The following WDFY4 variants were observed in gnomAD, a reference collection of about 807,000 sequenced individuals.
WDFY4 encodes WD repeat- and FYVE domain-containing protein 4.
In WDFY4, 169 loss-of-function variants were observed where a neutral mutation model predicts 351.9. That is an observed-to-expected ratio of 0.48 (90% CI 0.42 to 0.55). The LOEUF (loss-of-function observed/expected upper bound fraction) is 0.55, where lower values mean the gene tolerates loss of function less well. Ranked by LOEUF, WDFY4 falls within the 20% of genes least tolerant of loss-of-function variation. The pLI, the probability that WDFY4 is intolerant of heterozygous loss-of-function variation, is 0.00. For synonymous variants in WDFY4, 1,622 were observed against 1,574.6 expected (o/e 1.03, Z -0.71); for missense variants, 3,803 against 3,935.6 (o/e 0.97, Z 0.90).
chr10:48,805,254 C>T lies in WDFY4; in HGVS notation c.4485-6C>T, dbSNP rs1430979063. The T allele has an allele frequency of 1.9e-6, 3 of 1,541,758 alleles. No individual in the cohort carries two copies. Among genetic ancestry groups the T allele is most frequent in the Admixed American group, 3.9e-5 (2 of 51,004 alleles). On this transcript the variant is annotated splice_polypyrimidine_tract_variant and splice_region_variant and intron_variant, in intron 25 of 61. Transcript: ENST00000325239. ...GCTTTTACTGTCTCTCTCCTGTACT[C>T]ACCAGGGAAGGACCCAGGAATGCTG...
intron 52 of WDFY4, among the ~76,000 whole-genome samples, chr10:48,959,511 G>A (rs1050774562): frequency 3.9e-5 from 6 of 152,190 alleles, no homozygotes; most frequent in African/African-American, 1.2e-4. Context: ...TGGGAAGCAA[G>A]GAGGGCCTCC....
chr10:48,829,361 C>A (rs751145594), intron 37 of WDFY4, among the ~76,000 whole-genome samples: 1 of 152,102 alleles, frequency 6.6e-6, no homozygotes, highest in Non-Finnish European at 1.5e-5. Context: ...AGACTTTTTG[C>A]CTAATGGAGT....
At chr10:48,971,606 C>T (rs764261524) in intron 57 of WDFY4, among the ~76,000 whole-genome samples, 1 of 152,034 alleles carries the variant, frequency 6.6e-6, no homozygotes. Context: ...AACATGTTCT[C>T]TGGGGTTCTC....
intron 5 of WDFY4, among the ~76,000 whole-genome samples, chr10:48,725,642 A>G (rs896249230): frequency 6.6e-6 from 1 of 152,244 alleles, no homozygotes; most frequent in Non-Finnish European, 1.5e-5. Context: ...CTGATTTGGA[A>G]GGGATAACAA....
intron 13 of WDFY4, among the ~76,000 whole-genome samples, chr10:48,771,980 T>C (rs2065879338): frequency 1.3e-5 from 2 of 152,164 alleles, no homozygotes; most frequent in South Asian, 4.1e-4. Context: ...ATTCACAGCT[T>C]CTCCTGGCTT....
At chr10:48,714,474 A>T (rs1337703290) in intron 2 of WDFY4, among the ~76,000 whole-genome samples, 1 of 152,220 alleles carries the variant, frequency 6.6e-6, no homozygotes, top group Non-Finnish European at 1.5e-5. Context: ...GTTTTTAAGA[A>T]AGACTCAATA....
chr10:48,779,256 C>G (rs2132648939), intron 18 of WDFY4, among the ~76,000 whole-genome samples: 1 of 152,336 alleles, frequency 6.6e-6, no homozygotes, highest in Non-Finnish European at 1.5e-5. Flanking sequence ...CCCACATATG[C>G]TCAACCCCAA....
At chr10:48,791,378 G>A (rs2066674407) in intron 23 of WDFY4, among the ~76,000 whole-genome samples, 2 of 152,252 alleles carry the variant, frequency 1.3e-5, no homozygotes, top group South Asian at 4.1e-4. Flanking sequence ...TTTCACACAA[G>A]TGAAGAGGTT....
Position 48,814,079 on chromosome 10 carries a change from C to T in WDFY4, c.5337C>T (p.Ser1779=). 6.5e-7 allele frequency: 1 copy of T among 1,543,294 alleles called. No homozygotes were observed. Among genetic ancestry groups the T allele is most frequent in the Non-Finnish European group, 8.8e-7 (1 of 1,141,784 alleles). ...LLLEMLKATM[S]QPLAGSEDGA... ...TGGAAATGCTGAAGGCCACCATGAGCCAGGTGAGACCCATTCCCCACATGC... is the reference window on the plus strand; with the variant it reads ...TGGAAATGCTGAAGGCCACCATGAGTCAGGTGAGACCCATTCCCCACATGC... Residue 1779 remains serine, a synonymous_variant, in exon 31 of 62, where the codon AGC becomes AGT. Coordinates refer to ENST00000325239, the MANE Select transcript of WDFY4 (RefSeq NM_001394531.1).
intron 19 of WDFY4, among the ~76,000 whole-genome samples, chr10:48,781,228 A>G (rs778132650): frequency 2.7e-4 from 40 of 149,306 alleles, no homozygotes; most frequent in Non-Finnish European, 5.1e-4. Context: ...ATATATATAT[A>G]TGTGTGTGTG....
intron 4 of WDFY4, among the ~76,000 whole-genome samples, 165 bp from the exon 5 acceptor site, chr10:48,723,268 C>A (rs1405547978): frequency 1.3e-5 from 2 of 151,990 alleles, no homozygotes; most frequent in African/African-American, 4.8e-5. Context: ...TCACAGCCAC[C>A]CTAGGTGCAT....
intron 27 of WDFY4, 136 bp from the exon 28 acceptor site, chr10:48,807,723 A>G: frequency 1.1e-6 from 1 of 940,870 alleles, no homozygotes; most frequent in Non-Finnish European, 1.6e-6. Flanking sequence ...GCTGGAATAA[A>G]ATGCCAAAAT....
chr10:48,951,778 T>C (rs1342544123), intron 51 of WDFY4, among the ~76,000 whole-genome samples: 2 of 151,606 alleles, frequency 1.3e-5, no homozygotes, highest in Admixed American at 1.3e-4. Flanking sequence ...CCTGCTGGGG[T>C]CCCAGCCCAG....
chr10:48,943,546 C>A, intron 49 of WDFY4, 97 bp downstream of exon 49: 1 of 1,321,922 alleles, frequency 7.6e-7, no homozygotes, highest in Non-Finnish European at 1.0e-6. Flanking sequence ...CTAGGAGGTT[C>A]CGTCACATGA....
intron 47 of WDFY4, among the ~76,000 whole-genome samples, chr10:48,933,562 T>A (rs1157815411): frequency 6.6e-6 from 1 of 152,190 alleles, no homozygotes; most frequent in Non-Finnish European, 1.5e-5. Flanking sequence ...TGTGGGAAAC[T>A]TTCTTCCTAG....
At chr10:48,878,307 C>G (rs760495819) in intron 43 of WDFY4, among the ~76,000 whole-genome samples, 3 of 152,108 alleles carry the variant, frequency 2.0e-5, no homozygotes, top group Non-Finnish European at 2.9e-5. Context: ...GAGCTGGAGG[C>G]TAGTCTGGCC....
At chr10:48,935,643 A>G (rs1420334110) in intron 47 of WDFY4, among the ~76,000 whole-genome samples, 1 of 152,138 alleles carries the variant, frequency 6.6e-6, no homozygotes, top group Non-Finnish European at 1.5e-5. Context: ...TTTGAATTTA[A>G]TTATTTGTTA....
intron 47 of WDFY4, among the ~76,000 whole-genome samples, chr10:48,941,323 T>C (rs1055112343): frequency 5.9e-5 from 9 of 152,202 alleles, no homozygotes; most frequent in Non-Finnish European, 1.0e-4. Flanking sequence ...GGCAGGCATA[T>C]GGGTAAAACA....
At chr10:48,726,186 CTT>C in intron 6 of WDFY4, 116 bp downstream of exon 6, 1 of 1,232,944 alleles carries the variant, frequency 8.1e-7, no homozygotes, top group Non-Finnish European at 1.1e-6. Flanking sequence ...CTTGCAGCCT[CTT>C]ATAGAATTTT....
Sources: gnomAD v4.1 joint callset for allele counts (sites outside exome capture counted in the v4.1 genomes callset) on GRCh38, gnomAD v4.1.1 for gene constraint, MANE v1.5 for transcripts, NCBI Gene and HGNC (gene_info 2026-07-23, HGNC 2026-07-21) for gene names.